The following CLEC4F variants were observed in gnomAD, a reference collection of about 807,000 sequenced individuals.
The protein encoded by CLEC4F is C-type (calcium dependent, carbohydrate-recognition domain) lectin, superfamily member 13.
Under a neutral mutation model 53.4 loss-of-function variants are expected in CLEC4F, and 45 were observed. The observed-to-expected ratio is 0.84, with a 90% CI of 0.66 to 1.08. The LOEUF is 1.08. Ranked by LOEUF, CLEC4F falls within the 50% of genes least tolerant of loss-of-function variation. The pLI is 0.00. For synonymous variants in CLEC4F, 245 were observed against 257.5 expected (o/e 0.95, Z 0.46); for missense variants, 753 against 698.2 (o/e 1.08, Z -0.88).
upstream of CLEC4F, among the ~76,000 whole-genome samples, chr2:70,824,360 C>T (rs545231711): frequency 6.6e-6 from 1 of 152,046 alleles, no homozygotes; most frequent in Admixed American, 6.6e-5. Context: ...AGTCCTGTCA[C>T]CATGGTGCAA....
intron 4 of CLEC4F, 34 bp from the exon 5 acceptor site, chr2:70,812,632 G>A (rs371247655): frequency 6.2e-7 from 1 of 1,611,048 alleles, no homozygotes. Flanking sequence ...AGAGAACCAG[G>A]AGCTGCTGGT....
rs1553393490 is a variant in CLEC4F, at chr2:70,809,295, G to A, written c.1746C>T (p.Pro582=). 1 of 1,613,978 alleles carries A rather than the reference G, an allele frequency of 6.2e-7. No homozygotes were observed. Among genetic ancestry groups the A allele is most frequent in the Non-Finnish European group, 8.5e-7 (1 of 1,180,004 alleles). The part of the protein sequence containing the change: ...MGACSFIDTP[P]CPWILSN Reference sequence around the variant, plus strand: ...CTTAGTTACTGAGGATCCAGGGACAGGGAGGGGTGTCTATGAAGCTGCAAG... The same window carrying A: ...CTTAGTTACTGAGGATCCAGGGACAAGGAGGGGTGTCTATGAAGCTGCAAG... The change falls in exon 7 of 7, where the codon CCC becomes CCT. Residue 582 remains proline (P), a synonymous_variant. Transcript: ENST00000272367.
rs1553396537 is a variant in CLEC4F at position 70,817,063 on chromosome 2, T to G, written c.318A>C (p.Thr106=). The G allele has an allele frequency of 6.2e-7, 1 of 1,613,628 alleles. No individual in the cohort carries two copies. Among genetic ancestry groups the G allele is most frequent in the South Asian group, 1.1e-5 (1 of 91,084 alleles). The change falls in exon 4 of 7, where the codon ACA becomes ACC. Residue 106 remains threonine, a synonymous_variant. Transcript: ENST00000272367. ...REAEMRELIQ[T]FKGHMENSSA... Reference sequence around the variant, plus strand: ...TGGAATTCTCCATGTGGCCTTTAAATGTCTGGATAAGCTCTCGCATTTCTG... The same window carrying G: ...TGGAATTCTCCATGTGGCCTTTAAAGGTCTGGATAAGCTCTCGCATTTCTG...
At chr2:70,820,630 T>C, upstream of CLEC4F, 1 of 1,099,090 alleles carries the variant, frequency 9.1e-7, no homozygotes, top group East Asian at 2.7e-5. Flanking sequence ...CACACTTATA[T>C]GCTCCTGACC....
chr2:70,810,618 C>CAAAAAAAAAAAA (rs58138583), intron 5 of CLEC4F, among the ~76,000 whole-genome samples: 1 of 48,834 alleles, frequency 2.0e-5, no homozygotes, highest in African/African-American at 6.4e-5. Context: ...AACTCTGTCG[C>CAAAAAAAAAAAA]AAAAAAAAAA....
chr2:70,813,462 A>C (rs1553394798), intron 4 of CLEC4F, among the ~76,000 whole-genome samples: 2 of 151,898 alleles, frequency 1.3e-5, no homozygotes, highest in African/African-American at 4.8e-5. Context: ...CCTGGATGAG[A>C]TGTTACTGGA....
chr2:70,810,929 T>TTTCATA (rs1407378865), intron 5 of CLEC4F: 113 of 537,384 alleles, frequency 2.1e-4, no homozygotes, highest in Admixed American at 1.9e-3. Context: ...AATGTTTCAT[T>TTTCATA]TTCATATTCA....
upstream of CLEC4F, among the ~76,000 whole-genome samples, chr2:70,824,622 C>CAAAAAAA (rs1180721472): frequency 7.7e-5 from 3 of 38,768 alleles, no homozygotes; most frequent in African/African-American, 1.0e-4. Flanking sequence ...GCTTAGTTAC[C>CAAAAAAA]AAAAAAAAAA....
chr2:70,813,029 G>GTT (rs1676650271), intron 4 of CLEC4F, among the ~76,000 whole-genome samples: 1 of 152,098 alleles, frequency 6.6e-6, no homozygotes, highest in Non-Finnish European at 1.5e-5. Flanking sequence ...CTGGGACCTG[G>GTT]TCATCACCTG....
At chr2:70,814,013 G>A (rs1157965036) in intron 4 of CLEC4F, among the ~76,000 whole-genome samples, 1 of 152,152 alleles carries the variant, frequency 6.6e-6, no homozygotes, top group East Asian at 1.9e-4. Flanking sequence ...GGAAGAGTTT[G>A]CCAGGTGTTC....
intron 1 of CLEC4F, among the ~76,000 whole-genome samples, chr2:70,820,185 C>T (rs1677159422): frequency 6.6e-6 from 1 of 152,156 alleles, no homozygotes; most frequent in Non-Finnish European, 1.5e-5. Flanking sequence ...GGCACAGAAC[C>T]TGGCACAGAG....
upstream of CLEC4F, chr2:70,820,667 G>T: frequency 1.3e-6 from 1 of 778,602 alleles, no homozygotes; most frequent in Non-Finnish European, 2.0e-6. Flanking sequence ...CTCCCTCCCT[G>T]CCTGACTCTG....
chr2:70,811,874 C>T (rs1676584988), intron 5 of CLEC4F, among the ~76,000 whole-genome samples: 1 of 152,120 alleles, frequency 6.6e-6, no homozygotes, highest in South Asian at 2.1e-4. Flanking sequence ...AAGTTTGAGA[C>T]CAGCCTTGGC....
intron 6 of CLEC4F, 26 bp from the exon 7 acceptor site, chr2:70,809,408 A>G: frequency 1.3e-6 from 2 of 1,577,302 alleles, no homozygotes; most frequent in South Asian, 1.2e-5. Flanking sequence ...GGAAAAAAAC[A>G]GAAAGACCCA....
Position 70,808,700 on chromosome 2 carries a change from G to T in CLEC4F, c.*571C>A. The T allele has an allele frequency of 4.2e-6, 1 of 238,344 alleles. No individual in the cohort carries two copies. Among genetic ancestry groups the T allele is most frequent in the Non-Finnish European group, 8.3e-6 (1 of 120,374 alleles). The allele number at this position is 238,344 out of a possible 1,614,324, so 14.8% of individuals were successfully genotyped here. A position where few individuals can be genotyped will look rare whatever the true frequency, so the allele number is the denominator to read the frequency against. ...CTGCTGTCTGACAGGCCTGTGCTGG[G>T]TGCTGAGGCTACAGGGGCACAGCAA... On this transcript the variant is annotated 3_prime_UTR_variant, in exon 7 of 7. Transcript: ENST00000272367.
chr2:70,822,141 G>A (rs11894422), upstream of CLEC4F, among the ~76,000 whole-genome samples: 1,231 of 152,268 alleles, frequency 8.1e-3, 16 homozygotes, highest in African/African-American at 0.028. Flanking sequence ...GGGCAGTCTT[G>A]TGGGACTGAG....
chr2:70,809,795 T>C lies in CLEC4F; in HGVS notation c.1602A>G (p.Thr534=), dbSNP rs1676448233. 1 of 1,614,208 alleles carries C rather than the reference T, an allele frequency of 6.2e-7. No homozygotes were observed. The highest frequency in any genetic ancestry group is 8.5e-7 in the Non-Finnish European group (1 of 1,180,020). Residue 534 remains threonine (T), a synonymous_variant, in exon 6 of 7, where the codon ACA becomes ACG. Transcript: ENST00000272367. ...YYWIGLTDRG[T]EGSWRWTDGT... is the part of the protein sequence containing the mutation. ...CATCTGTCCAGCGCCAGGAGCCCTC[T>C]GTGCCCCTGTCAGTGAGACCGATCC... is the stretch of plus-strand genomic sequence containing the variant.
intron 4 of CLEC4F, among the ~76,000 whole-genome samples, chr2:70,814,748 G>T (rs1676800787): frequency 6.8e-6 from 1 of 146,058 alleles, no homozygotes; most frequent in African/African-American, 2.6e-5. Context: ...TGTCCTTTAA[G>T]AAAAAAAATT....
At chr2:70,824,712 C>G (rs916700072), upstream of CLEC4F, among the ~76,000 whole-genome samples, 4 of 147,452 alleles carry the variant, frequency 2.7e-5, no homozygotes, top group Non-Finnish European at 4.5e-5. Context: ...AAAGCCAGAG[C>G]AATTTGAGCA....
Sources: allele counts gnomAD v4.1 joint callset (sites outside exome capture counted in the v4.1 genomes callset), GRCh38; gene constraint gnomAD v4.1.1; transcripts MANE v1.5; gene names NCBI Gene and HGNC (gene_info 2026-07-23, HGNC 2026-07-21).